The following SVIL variants were observed in gnomAD, a reference collection of about 807,000 sequenced individuals.
SVIL encodes supervillin.
In SVIL, 101 loss-of-function variants were observed where a neutral mutation model predicts 240.4. The observed-to-expected ratio is 0.42, with a 90% CI of 0.36 to 0.50. SVIL has a LOEUF of 0.50. SVIL is among the 20% of genes least tolerant of loss of function. The probability of loss-of-function intolerance (pLI) is 0.01; values close to 1 mark genes in which losing one functional copy is unlikely to be tolerated. For missense variants in SVIL, 2,512 were observed against 2,818.7 expected (o/e 0.89, Z 2.46); for synonymous variants, 999 against 1,100.0 (o/e 0.91, Z 1.82).
intron 1 of SVIL, among the ~76,000 whole-genome samples, chr10:29,633,907 CA>C (rs1958209634): frequency 6.6e-6 from 1 of 152,068 alleles, no homozygotes; most frequent in African/African-American, 2.4e-5. Flanking sequence ...TTCTAGAAAT[CA>C]AGCCCTGAAG....
At chr10:29,676,824 G>A (rs531814194) in intron 2 of SVIL, among the ~76,000 whole-genome samples, 1 of 152,140 alleles carries the variant, frequency 6.6e-6, no homozygotes, top group Non-Finnish European at 1.5e-5. Context: ...GTTTGGAGTC[G>A]ATTTTCCACC....
Position 29,473,956 on chromosome 10 carries a change from C to T in SVIL, c.5411G>A (p.Arg1804Lys), listed in dbSNP as rs562701367. 4.3e-6 allele frequency: 7 copies of T among 1,613,934 alleles called. No individual in the cohort carries two copies. Among genetic ancestry groups the T allele is most frequent in the Non-Finnish European group, 5.9e-6 (7 of 1,180,020 alleles). Residue 1804 changes from arginine (R) to lysine (K), a missense_variant, in exon 30 of 38, where the codon AGG becomes AAG. Transcript: ENST00000355867. ...GACGCACTTCTCTTTGCCGGCTGCCCTCACCGAGTGCTCTCCCTTCTGGCG... is the reference window on the plus strand; with the variant it reads ...GACGCACTTCTCTTTGCCGGCTGCCTTCACCGAGTGCTCTCCCTTCTGGCG... ...GSRQKGEHSV[R>K]AAGKEKCVYF...
chr10:29,531,293 G>A lies in SVIL; in HGVS notation c.2010-5C>T, dbSNP rs773075012. ...GTTTCTGAATGTGAAGTGCACCTAG[G>A]AAAGACATTAGCAAATAACAATAAT... is the stretch of plus-strand genomic sequence containing the variant. On this transcript the variant is annotated splice_polypyrimidine_tract_variant and splice_region_variant and intron_variant, in intron 9 of 37. Coordinates refer to ENST00000355867, the MANE Select transcript of SVIL (RefSeq NM_021738.3). 3.4e-5 allele frequency: 55 copies of A among 1,613,506 alleles called. No individual in the cohort carries two copies. The highest frequency in any genetic ancestry group is 4.6e-5 in the Non-Finnish European group (54 of 1,179,762).
Position 29,555,128 on chromosome 10 carries a change from G to A in SVIL, c.-50-20C>T. 6.3e-7 allele frequency: 1 copy of A among 1,595,840 alleles called. No homozygotes were observed. Among genetic ancestry groups the A allele is most frequent in the Non-Finnish European group, 8.5e-7 (1 of 1,172,230 alleles). ...CTGCAACTGGAAGAAAACCAAAAAA[G>A]AACAAAATATAGTATTTAGTAGTCG... is the stretch of plus-strand genomic sequence containing the variant. On this transcript the variant is annotated intron_variant, in intron 3 of 37. Transcript: ENST00000355867.
chr10:29,477,584 C>T (rs1440938436), intron 29 of SVIL, among the ~76,000 whole-genome samples: 2 of 152,332 alleles, frequency 1.3e-5, no homozygotes, highest in African/African-American at 4.8e-5. Flanking sequence ...GCAGGTGTGG[C>T]CCTTGTGCGC....
intron 21 of SVIL, among the ~76,000 whole-genome samples, chr10:29,492,634 A>T (rs1366374808): frequency 4.6e-5 from 7 of 152,124 alleles, no homozygotes; most frequent in African/African-American, 1.7e-4. Context: ...CTTGAAATTG[A>T]CGGACTCCTA....
At chr10:29,598,896 C>T (rs1316083794) in intron 1 of SVIL, among the ~76,000 whole-genome samples, 1 of 152,162 alleles carries the variant, frequency 6.6e-6, no homozygotes, top group African/African-American at 2.4e-5. Flanking sequence ...ACAAGATTCT[C>T]ACTACATTCT....
At chr10:29,513,706 T>C (rs576141472) in intron 16 of SVIL, among the ~76,000 whole-genome samples, 2 of 152,354 alleles carry the variant, frequency 1.3e-5, no homozygotes, top group South Asian at 4.1e-4. Flanking sequence ...CCATCTTCTT[T>C]AGACAGAAAC....
chr10:29,576,740 C>T (rs978619316), intron 1 of SVIL, among the ~76,000 whole-genome samples: 2 of 152,186 alleles, frequency 1.3e-5, no homozygotes, highest in African/African-American at 4.8e-5. Flanking sequence ...GAGATTGGGT[C>T]TTACTATGTT....
intron 1 of SVIL, among the ~76,000 whole-genome samples, chr10:29,591,686 A>G (rs192558910): frequency 6.6e-6 from 1 of 152,338 alleles, no homozygotes; most frequent in Non-Finnish European, 1.5e-5. Flanking sequence ...TCATGTTCCT[A>G]AATACGTGAG....
At chr10:29,462,212 G>A in intron 36 of SVIL, 65 bp downstream of exon 36, 6 of 1,555,150 alleles carry the variant, frequency 3.9e-6, no homozygotes, top group Non-Finnish European at 5.2e-6. Context: ...TCTCCCCAAA[G>A]TAAAGTTAAC....
chr10:29,538,443 T>C (rs916297843), intron 6 of SVIL, among the ~76,000 whole-genome samples: 6 of 152,232 alleles, frequency 3.9e-5, no homozygotes, highest in Admixed American at 6.5e-5. Context: ...CGACTTAAAA[T>C]GGTTCAATGT....
intron 33 of SVIL, among the ~76,000 whole-genome samples, chr10:29,466,023 C>T (rs1382713611): frequency 6.6e-6 from 1 of 151,902 alleles, no homozygotes; most frequent in Non-Finnish European, 1.5e-5. Flanking sequence ...ATTTGTAATA[C>T]AGCAACTAGT....
Position 29,480,801 on chromosome 10 carries a change from T to A in SVIL, c.5113A>T (p.Thr1705Ser), listed in dbSNP as rs538654931. 11 of 1,607,750 alleles carry A rather than the reference T, an allele frequency of 6.8e-6. No individual in the cohort carries two copies. The highest frequency in any genetic ancestry group is 9.3e-6 in the Non-Finnish European group (11 of 1,177,664). Reference protein sequence around the residue: ...ELAQHKEDPRTDVKAYDVTRM... With the variant: ...ELAQHKEDPRSDVKAYDVTRM... ...GTCACATCGTATGCCTTGACATCAG[T>A]CCTGGGGTCTTCCTACAGGGGAACA... is the stretch of plus-strand genomic sequence containing the variant. The change falls in exon 29 of 38, where the codon ACT becomes TCT. Residue 1705 changes from threonine (T) to serine (S), a missense_variant. Around this residue, in one of 3 missense-constraint regions of SVIL, gnomAD observed 797 missense variants for 925.3 expected, o/e 0.86. Transcript: ENST00000355867.
chr10:29,520,917 TAAA>T (rs11337474), intron 16 of SVIL, among the ~76,000 whole-genome samples: 10 of 133,974 alleles, frequency 7.5e-5, no homozygotes, highest in African/African-American at 8.3e-5. Context: ...ACCATTCCTC[TAAA>T]AAAAAAAAAA....
chr10:29,718,225 C>T (rs1328114422), intron 1 of SVIL, among the ~76,000 whole-genome samples: 1 of 151,716 alleles, frequency 6.6e-6, no homozygotes, highest in African/African-American at 2.4e-5. Flanking sequence ...GCTCGGGAGG[C>T]TGAGGCAGGA....
At chr10:29,702,003 A>C (rs1962548310) in intron 1 of SVIL, among the ~76,000 whole-genome samples, 1 of 151,896 alleles carries the variant, frequency 6.6e-6, no homozygotes, top group Admixed American at 6.6e-5. Context: ...GTGAAACCCC[A>C]TTTCTACTAA....
chr10:29,517,576 G>T (rs7900525), intron 16 of SVIL, among the ~76,000 whole-genome samples: 66,436 of 152,104 alleles, frequency 0.44, 15,187 homozygotes, highest in African/African-American at 0.55. Flanking sequence ...TGTGGAGACA[G>T]GGAGACAGCC....
At chr10:29,517,562 A>T (rs1482665331) in intron 16 of SVIL, among the ~76,000 whole-genome samples, 1 of 152,198 alleles carries the variant, frequency 6.6e-6, no homozygotes, top group Non-Finnish European at 1.5e-5. Context: ...AAGAACCTGG[A>T]GTTTGTGGAG....
Sources: gnomAD v4.1 joint callset for allele counts (sites outside exome capture counted in the v4.1 genomes callset) on GRCh38, gnomAD v4.1.1 for gene constraint, gnomAD v4.1.1 regional missense constraint, MANE v1.5 for transcripts, NCBI Gene and HGNC (gene_info 2026-07-23, HGNC 2026-07-21) for gene names.